The following CADPS variants were observed in gnomAD, a reference collection of about 807,000 sequenced individuals.
CADPS encodes the protein calcium-dependent secretion activator 1.
CADPS carries 57 observed loss-of-function variants against 167.3 expected under a neutral mutation model. The observed-to-expected ratio is 0.34, with a 90% CI of 0.28 to 0.42. The LOEUF is 0.42. Ranked by LOEUF, CADPS falls within the 20% of genes least tolerant of loss-of-function variation. CADPS has a pLI of 1.00. For missense variants in CADPS, 1,414 were observed against 1,738.1 expected (o/e 0.81, Z 3.32); for synonymous variants, 676 against 635.3 (o/e 1.06, Z -0.96).
chr3:62,658,203 T>G (rs1037742606), intron 4 of CADPS, among the ~76,000 whole-genome samples: 7 of 152,172 alleles, frequency 4.6e-5, no homozygotes, highest in Non-Finnish European at 7.3e-5. Context: ...ATGTGTACAC[T>G]TCTTGATTTG....
intron 26 of CADPS, 78 bp from the exon 27 acceptor site, chr3:62,445,875 C>T (rs2057140547): frequency 9.8e-7 from 1 of 1,016,580 alleles, no homozygotes; most frequent in Non-Finnish European, 1.4e-6. Flanking sequence ...GTATCCCCAT[C>T]AGAATCAAAA....
At chr3:62,404,044 C>G (rs1342103902) in intron 28 of CADPS, 1 of 152,150 alleles carries the variant, frequency 6.6e-6, no homozygotes, top group East Asian at 1.9e-4. Flanking sequence ...ATAAATCTCA[C>G]TCGGAGACAT....
chr3:62,832,341 AT>A (rs2075235388), intron 1 of CADPS, among the ~76,000 whole-genome samples: 1 of 152,248 alleles, frequency 6.6e-6, no homozygotes, highest in South Asian at 2.1e-4. Context: ...ATAAAGTGGC[AT>A]TATGATCTCA....
chr3:62,583,622 A>G (rs1280294237), intron 8 of CADPS, among the ~76,000 whole-genome samples: 2 of 152,148 alleles, frequency 1.3e-5, no homozygotes, highest in African/African-American at 4.8e-5. Context: ...TGGCCTCAAG[A>G]CAATGCAAAG....
chr3:62,733,042 C>A (rs1440333972), intron 3 of CADPS, among the ~76,000 whole-genome samples: 1 of 152,202 alleles, frequency 6.6e-6, no homozygotes, highest in Non-Finnish European at 1.5e-5. Context: ...TGCTGAAATG[C>A]ATTATTTCTT....
rs904252294 is a variant in CADPS at position 62,602,978 on chromosome 3, A to G, written c.1326-10230T>C. Among the ~76,000 whole-genome samples the G allele has an allele frequency of 6.6e-6, 1 of 152,066 alleles. No homozygotes were observed. The highest frequency in any genetic ancestry group is 1.5e-5 in the Non-Finnish European group (1 of 68,034). ...TCTGATTTTTGCTATGGAGAAAAAGAAAGCAGAAAATGGCATTTGGAAGTA... is the reference window on the plus strand; with the variant it reads ...TCTGATTTTTGCTATGGAGAAAAAGGAAGCAGAAAATGGCATTTGGAAGTA... On this transcript the variant is annotated intron_variant, in intron 6 of 29. Transcript: ENST00000383710. The surrounding 1 kb of genome is among the most constrained non-coding windows in gnomAD (Gnocchi z 4.4).
At position 62,400,692 on chromosome 3, in the gene CADPS, T is replaced by C. The variant is rs796658953; in HGVS notation, c.3883-1107A>G. 7.6e-4 allele frequency among the ~76,000 whole-genome samples: 110 copies of C among 145,548 alleles called. 1 individual carries two copies. The highest frequency in any genetic ancestry group is 6.9e-3 in the Middle Eastern group (2 of 290). On this transcript the variant is annotated intron_variant, in intron 29 of 29. Coordinates refer to ENST00000383710, the MANE Select transcript of CADPS (RefSeq NM_003716.4). ...TCGGCTCACTGCAACCTCCACCCCC[T>C]GGGTTCAAACGATTCTCCTGCCTCA...
At chr3:62,745,101 G>C (rs1291350281) in intron 3 of CADPS, among the ~76,000 whole-genome samples, 1 of 148,038 alleles carries the variant, frequency 6.8e-6, no homozygotes, top group Non-Finnish European at 1.5e-5. Context: ...CTTTTTTTTT[G>C]AGACAGGGTC....
intron 3 of CADPS, among the ~76,000 whole-genome samples, chr3:62,663,824 AC>A (rs2073880954): frequency 6.6e-6 from 1 of 152,180 alleles, no homozygotes; most frequent in Admixed American, 6.5e-5. Flanking sequence ...CAATTCAGGA[AC>A]CAGCATCACT....
At chr3:62,590,890 T>A (rs1017542078) in intron 7 of CADPS, among the ~76,000 whole-genome samples, 26 of 152,160 alleles carry the variant, frequency 1.7e-4, no homozygotes, top group African/African-American at 6.3e-4. Context: ...GTTTCACTCC[T>A]GTTGCCCAGG....
intron 11 of CADPS, among the ~76,000 whole-genome samples, chr3:62,539,062 C>CA (rs1348273209): frequency 6.6e-6 from 1 of 152,158 alleles, no homozygotes; most frequent in Non-Finnish European, 1.5e-5. Flanking sequence ...GTAACCTTGT[C>CA]AAAATAAAAC....
chr3:62,834,286 T>G (rs1463014593), intron 1 of CADPS, among the ~76,000 whole-genome samples: 1 of 152,122 alleles, frequency 6.6e-6, no homozygotes, highest in Non-Finnish European at 1.5e-5. Context: ...TTTCCATAAG[T>G]GGGACAAGCT....
intron 1 of CADPS, among the ~76,000 whole-genome samples, chr3:62,793,962 A>T (rs1191696567): frequency 6.6e-6 from 1 of 152,172 alleles, no homozygotes; most frequent in East Asian, 1.9e-4. Context: ...GTCCAGGCAA[A>T]ACTAAAGATC....
At chr3:62,400,583 T>C (rs1288741859) in intron 29 of CADPS, among the ~76,000 whole-genome samples, 1 of 123,958 alleles carries the variant, frequency 8.1e-6, no homozygotes, top group Non-Finnish European at 1.7e-5. Context: ...ACTCCCATCA[T>C]TCTTTCTTTT....
At chr3:62,865,693 T>A (rs187020473) in intron 1 of CADPS, among the ~76,000 whole-genome samples, 2 of 152,234 alleles carry the variant, frequency 1.3e-5, no homozygotes, top group Admixed American at 6.5e-5. Context: ...AAAGTCCATA[T>A]CTAAGAAGCA....
At chr3:62,578,348 C>A (rs554562477) in intron 8 of CADPS, among the ~76,000 whole-genome samples, 1 of 151,914 alleles carries the variant, frequency 6.6e-6, no homozygotes, top group Non-Finnish European at 1.5e-5. Context: ...TGGTGGCTCA[C>A]GCCTGTAATC....
At chr3:62,810,989 C>T (rs2094366185) in intron 1 of CADPS, among the ~76,000 whole-genome samples, 1 of 152,314 alleles carries the variant, frequency 6.6e-6, no homozygotes, top group Middle Eastern at 3.4e-3. Context: ...GGGAAACAAA[C>T]CCAGAATAGA....
chr3:62,422,079 T>C (rs1028308356), intron 28 of CADPS, among the ~76,000 whole-genome samples: 1 of 152,210 alleles, frequency 6.6e-6, no homozygotes, highest in African/African-American at 2.4e-5. Context: ...CCAAATTTAT[T>C]TCTAATGTGC....
At chr3:62,644,576 C>T (rs945671596) in intron 6 of CADPS, among the ~76,000 whole-genome samples, 12 of 152,178 alleles carry the variant, frequency 7.9e-5, no homozygotes, top group Non-Finnish European at 1.8e-4. Context: ...ACAACTTCCT[C>T]ATGGTATGGC....
Sources: gnomAD v4.1 joint callset for allele counts (sites outside exome capture counted in the v4.1 genomes callset) on GRCh38, gnomAD v4.1.1 for gene constraint, Gnocchi (gnomAD v3.1) non-coding constraint, MANE v1.5 for transcripts, NCBI Gene and HGNC (gene_info 2026-07-23, HGNC 2026-07-21) for gene names.